Variants in C12orf56 observed in about 807,000 individuals in gnomAD.
C12orf56 encodes uncharacterized protein C12orf56.
In C12orf56, 71 loss-of-function variants were observed where a neutral mutation model predicts 69.9. That is an observed-to-expected ratio of 1.02 (90% CI 0.84 to 1.24). The LOEUF (loss-of-function observed/expected upper bound fraction) is 1.24, where lower values mean the gene tolerates loss of function less well. Among genes scored for constraint, C12orf56 ranks in the 50% most tolerant of loss-of-function variants. The probability of loss-of-function intolerance (pLI) is 0.00; values close to 1 mark genes in which losing one functional copy is unlikely to be tolerated. For synonymous variants in C12orf56, 276 were observed against 274.1 expected (o/e 1.01, Z -0.07); for missense variants, 732 against 738.5 (o/e 0.99, Z 0.10).
rs867068930 is a variant in C12orf56 at position 64,339,554 on chromosome 12, T to G, written c.416-8522A>C. Among the ~76,000 whole-genome samples the G allele has an allele frequency of 3.9e-5, 6 of 151,910 alleles. No homozygotes were observed. The South Asian group carries it at 1.0e-3, about 26-fold the overall frequency. On this transcript the variant is annotated intron_variant, in intron 2 of 12. Transcript: ENST00000543942. Reference sequence around the variant, plus strand: ...CCCGTCATTTAAGGGTTTTTTTAAGTTTGTATTTGTTTGTTTGTTTGTTTT... The same window carrying G: ...CCCGTCATTTAAGGGTTTTTTTAAGGTTGTATTTGTTTGTTTGTTTGTTTT...
At chr12:64,319,337 A>G (rs1592449858) in intron 3 of C12orf56, among the ~76,000 whole-genome samples, 2 of 152,280 alleles carry the variant, frequency 1.3e-5, no homozygotes, top group South Asian at 2.1e-4. Flanking sequence ...TTAATTGTAC[A>G]TTGCTAATGG....
At chr12:64,318,476 A>T in intron 4 of C12orf56, 99 bp downstream of exon 4, 1 of 1,071,782 alleles carries the variant, frequency 9.3e-7, no homozygotes. Flanking sequence ...CCAAGGCTAA[A>T]TTTCCAAAAT....
intron 1 of C12orf56, among the ~76,000 whole-genome samples, chr12:64,368,871 C>T (rs921684127): frequency 6.9e-4 from 105 of 152,176 alleles, no homozygotes; most frequent in African/African-American, 2.1e-3. Flanking sequence ...ATGTGTAAAA[C>T]GAGAAATACA....
intron 6 of C12orf56, among the ~76,000 whole-genome samples, chr12:64,287,260 A>AG (rs2038218818): frequency 8.2e-5 from 9 of 110,274 alleles, no homozygotes; most frequent in Admixed American, 1.9e-4. Flanking sequence ...AAAAAAAAAA[A>AG]AAAGAAGAAG....
At chr12:64,324,565 A>G (rs891920661) in intron 3 of C12orf56, among the ~76,000 whole-genome samples, 2 of 152,224 alleles carry the variant, frequency 1.3e-5, no homozygotes, top group East Asian at 1.9e-4. Context: ...CAGTGCTCCA[A>G]CTATTGAGAT....
intron 1 of C12orf56, among the ~76,000 whole-genome samples, chr12:64,377,877 C>T (rs191314667): frequency 2.0e-5 from 3 of 152,242 alleles, no homozygotes; most frequent in Admixed American, 6.5e-5. Flanking sequence ...TTATGATCTA[C>T]TAGGTACCAA....
At chr12:64,379,537 C>T (rs1438099097) in intron 1 of C12orf56, among the ~76,000 whole-genome samples, 2 of 151,710 alleles carry the variant, frequency 1.3e-5, no homozygotes, top group Admixed American at 6.6e-5. Flanking sequence ...CCGCCCACCT[C>T]GGCCTCCCAA....
At chr12:64,306,409 G>C (rs1418209119) in intron 5 of C12orf56, among the ~76,000 whole-genome samples, 1 of 151,338 alleles carries the variant, frequency 6.6e-6, no homozygotes, top group African/African-American at 2.4e-5. Flanking sequence ...TAGTGTTGCA[G>C]GAAGGTTTTG....
In C12orf56 at chr12:64,266,526, G is replaced by A; in HGVS notation, c.*657C>T. The A allele has an allele frequency of 3.7e-6, 1 of 273,394 alleles. No individual in the cohort carries two copies. The highest frequency in any genetic ancestry group is 7.7e-6 in the Non-Finnish European group (1 of 129,386). The allele number at this position is 273,394 out of a possible 1,614,324, so 16.9% of individuals were successfully genotyped here. A position where few individuals can be genotyped will look rare whatever the true frequency, so the allele number is the denominator to read the frequency against. Reference sequence around the variant, plus strand: ...AGTGACCTTAGGCCCAGACCAAGCTGTAATTCCAGAAGTGGCGTGGATGCG... The same window carrying A: ...AGTGACCTTAGGCCCAGACCAAGCTATAATTCCAGAAGTGGCGTGGATGCG... On this transcript the variant is annotated 3_prime_UTR_variant, in exon 13 of 13. Transcript: ENST00000543942.
At chr12:64,275,257 TTA>T in intron 10 of C12orf56, 39 bp downstream of exon 10, 1 of 941,392 alleles carries the variant, frequency 1.1e-6, no homozygotes, top group Non-Finnish European at 1.6e-6. Context: ...TAATTTATAG[TTA>T]CATAAAATAT....
intron 8 of C12orf56, among the ~76,000 whole-genome samples, chr12:64,280,775 C>A (rs1469388048): frequency 6.6e-6 from 1 of 152,178 alleles, no homozygotes; most frequent in Non-Finnish European, 1.5e-5. Flanking sequence ...TGCCAGCAAT[C>A]ACCCAAATGA....
At chr12:64,373,004 C>T (rs2039593850) in intron 1 of C12orf56, among the ~76,000 whole-genome samples, 1 of 152,194 alleles carries the variant, frequency 6.6e-6, no homozygotes, top group South Asian at 2.1e-4. Context: ...GAATATATCA[C>T]TCTTCTGGTT....
rs779015457 is a variant in C12orf56, at chr12:64,390,364, TG to T, written c.201del (p.Lys68SerfsTer6). ...AGAGCCACTACCCGCCGGATGGACT[TG>T]GGCGGGTTCTCGGTTAGGTAGACGA... ...DRLVYLTENP[P>X]KSIRRVVALR... On this transcript the variant is annotated frameshift_variant, in exon 1 of 13. Coordinates refer to ENST00000543942, the MANE Select transcript of C12orf56 (RefSeq NM_001170633.2). LOFTEE classifies it high-confidence loss of function. The T allele has an allele frequency of 6.2e-6, 10 of 1,612,780 alleles. No individual in the cohort carries two copies. In the South Asian group the frequency reaches 9.9e-5, roughly 16 times the overall value.
At chr12:64,361,802 G>A (rs562128922) in intron 1 of C12orf56, among the ~76,000 whole-genome samples, 2 of 151,658 alleles carry the variant, frequency 1.3e-5, no homozygotes, top group Non-Finnish European at 2.9e-5. Context: ...GCACAATCTC[G>A]GCTCACCGCA....
rs371389212 is a variant in C12orf56 at position 64,312,684 on chromosome 12, T to A, written c.963A>T (p.Pro321=). ...CATACATCATCACTTCTTACCTATA[T>A]GGCTTTTGACTTCCAATAGCAGGAC... The part of the protein sequence containing the change: ...EFSPAIGSQK[P]YRSEEKIKHF... The change falls in exon 5 of 13, where the codon CCA becomes CCT. Residue 321 remains proline (P), a synonymous_variant. Transcript: ENST00000543942. 6.5e-7 allele frequency: 1 copy of A among 1,533,142 alleles called. No homozygotes were observed. Among genetic ancestry groups the A allele is most frequent in the East Asian group, 2.4e-5 (1 of 40,874 alleles). The allele number at this position is 1,533,142 out of a possible 1,614,324, so 95.0% of individuals were successfully genotyped here.
intron 1 of C12orf56, among the ~76,000 whole-genome samples, chr12:64,367,295 T>TTTATATATTATATATAATATATAGC (rs2039508737): frequency 3.1e-5 from 4 of 127,320 alleles, no homozygotes; most frequent in Non-Finnish European, 6.6e-5. Flanking sequence ...TAATATACAG[T>TTTATATATTATATATAATATATAGC]TTATATATTA....
intron 1 of C12orf56, among the ~76,000 whole-genome samples, chr12:64,360,411 C>A (rs1408611075): frequency 6.6e-6 from 1 of 152,006 alleles, no homozygotes; most frequent in African/African-American, 2.4e-5. Context: ...GGCGACAGAG[C>A]AAGACTCCAT....
In C12orf56 at chr12:64,337,854, CAAAAAAAA is replaced by C. The variant is rs748434656; in HGVS notation, c.416-6830_416-6823del. 4.4e-5 allele frequency among the ~76,000 whole-genome samples: 4 copies of C among 90,742 alleles called. No homozygotes were observed. The East Asian group carries it at 1.0e-3, about 23-fold the overall frequency. The allele number at this position is 90,742 out of a possible 152,430, so 59.5% of individuals were successfully genotyped here. A position where few individuals can be genotyped will look rare whatever the true frequency, so the allele number is the denominator to read the frequency against. ...CCTGGGTAACAGAGCAAAATTCTGT[CAAAAAAAA>C]AAAAAAAAAAAACACCAGGACATAA... On this transcript the variant is annotated intron_variant, in intron 2 of 12. Coordinates refer to ENST00000543942, the MANE Select transcript of C12orf56 (RefSeq NM_001170633.2).
At chr12:64,312,922 C>A (rs565635451) in intron 4 of C12orf56, among the ~76,000 whole-genome samples, 170 bp from the exon 5 acceptor site, 2 of 151,934 alleles carry the variant, frequency 1.3e-5, no homozygotes, top group East Asian at 3.9e-4. Context: ...TTTTTCTTAT[C>A]CAGTTTTTAA....
Sources: allele counts gnomAD v4.1 joint callset (sites outside exome capture counted in the v4.1 genomes callset), GRCh38; gene constraint gnomAD v4.1.1; transcripts MANE v1.5; gene names NCBI Gene and HGNC (gene_info 2026-07-23, HGNC 2026-07-21).